Variants in COMMD1 observed in about 807,000 individuals in gnomAD.
COMMD1 encodes the protein copper metabolism domain containing 1.
In COMMD1, 10 loss-of-function variants were observed where a neutral mutation model predicts 17.2. The observed-to-expected ratio is 0.58, with a 90% CI of 0.36 to 0.99. The LOEUF (loss-of-function observed/expected upper bound fraction) is 0.99, where lower values mean the gene tolerates loss of function less well. COMMD1 is among the 50% of genes least tolerant of loss of function. The probability of loss-of-function intolerance (pLI) is 0.01; values close to 1 mark genes in which losing one functional copy is unlikely to be tolerated. For missense variants in COMMD1, 270 were observed against 231.8 expected (o/e 1.17, Z -1.07); for synonymous variants, 97 against 91.6 (o/e 1.06, Z -0.34).
At chr2:62,014,665 G>A (rs994572679) in intron 2 of COMMD1, among the ~76,000 whole-genome samples, 9 of 134,612 alleles carry the variant, frequency 6.7e-5, no homozygotes, top group Admixed American at 5.4e-4. Context: ...GGGTTCAGGC[G>A]ATTCTTCTGT....
intron 1 of COMMD1, among the ~76,000 whole-genome samples, chr2:61,951,704 A>G (rs1421930923): frequency 2.0e-5 from 3 of 152,208 alleles, no homozygotes; most frequent in African/African-American, 2.4e-5. Flanking sequence ...TGTATCCACG[A>G]AACTATCAAC....
At chr2:61,915,708 G>A in intron 1 of COMMD1, 1 of 452,848 alleles carries the variant, frequency 2.2e-6, no homozygotes, top group Middle Eastern at 3.3e-4. Context: ...TATCGTCCAG[G>A]GTGGTCTCAA....
intron 1 of COMMD1, among the ~76,000 whole-genome samples, chr2:61,968,178 C>G (rs1671554100): frequency 6.6e-6 from 1 of 151,518 alleles, no homozygotes. Flanking sequence ...AAAAAGAAAA[C>G]AAAAGCCGCT....
intron 1 of COMMD1, among the ~76,000 whole-genome samples, chr2:61,998,893 T>TC (rs1243154104): frequency 6.6e-6 from 1 of 152,212 alleles, no homozygotes; most frequent in African/African-American, 2.4e-5. Context: ...AAGACATTTA[T>TC]CAATTAGTTA....
At chr2:62,031,817 G>A (rs528787001) in intron 2 of COMMD1, among the ~76,000 whole-genome samples, 1 of 152,314 alleles carries the variant, frequency 6.6e-6, no homozygotes, top group African/African-American at 2.4e-5. Flanking sequence ...AAAGGCTTGT[G>A]TGGTGGGATT....
intron 2 of COMMD1, among the ~76,000 whole-genome samples, chr2:62,014,793 C>A (rs963239922): frequency 6.6e-6 from 1 of 151,812 alleles, no homozygotes; most frequent in Non-Finnish European, 1.5e-5. Flanking sequence ...TCTTGAACTC[C>A]TGACCTCATG....
At chr2:61,918,737 A>T (rs1263773887) in intron 1 of COMMD1, 1 of 152,192 alleles carries the variant, frequency 6.6e-6, no homozygotes, top group South Asian at 2.1e-4. Context: ...CCTATCTTAT[A>T]TATGATAAAT....
At chr2:61,903,354 G>T (rs747322001), upstream of COMMD1, among the ~76,000 whole-genome samples, 11 of 151,432 alleles carry the variant, frequency 7.3e-5, no homozygotes, top group Non-Finnish European at 1.0e-4. Flanking sequence ...TGAGGCAGGA[G>T]AATCACTTGA....
chr2:62,035,941 C>T (rs938226885), intron 2 of COMMD1, among the ~76,000 whole-genome samples: 2 of 151,776 alleles, frequency 1.3e-5, no homozygotes, highest in African/African-American at 4.8e-5. Context: ...GTAGTCCCAG[C>T]TACCCAGGAG....
chr2:62,060,795 A>G (rs1214057305), intron 2 of COMMD1, among the ~76,000 whole-genome samples: 1 of 152,170 alleles, frequency 6.6e-6, no homozygotes, highest in Non-Finnish European at 1.5e-5. Flanking sequence ...CTTCAGCAAA[A>G]GACAGTTTTT....
chr2:61,986,215 T>C (rs571815547), intron 1 of COMMD1, among the ~76,000 whole-genome samples: 1 of 152,250 alleles, frequency 6.6e-6, no homozygotes, highest in East Asian at 1.9e-4. Context: ...GGCATGAGAT[T>C]ATAAGGGTTC....
intron 1 of COMMD1, among the ~76,000 whole-genome samples, chr2:61,890,223 GTTT>G (rs1409958534): frequency 6.6e-6 from 1 of 152,012 alleles, no homozygotes; most frequent in Non-Finnish European, 1.5e-5. Flanking sequence ...TTGTTTGTTT[GTTT>G]TTGTTTGTTT....
Position 62,000,823 on chromosome 2 carries a change from C to G in COMMD1, c.303C>G (p.His101Gln), listed in dbSNP as rs761791772. The G allele has an allele frequency of 2.5e-6, 4 of 1,613,952 alleles. No homozygotes were observed. The East Asian group carries it at 6.7e-5, about 27-fold the overall frequency. The part of the protein sequence containing the change: ...AAVISKFWKS[H>Q]KTKIRESLMN... The stretch of plus-strand genomic sequence containing the variant: ...TCATTTCCAAATTCTGGAAGAGCCA[C>G]AAGACAAAAATCCGTGAGAGCCTCA... Residue 101 changes from histidine to glutamine, a missense_variant, in exon 2 of 3, where the codon CAC becomes CAG. Physicochemically the swap from His to Gln is conservative, Grantham distance 24. Transcript: ENST00000311832.
chr2:62,022,068 C>G, intron 2 of COMMD1, among the ~76,000 whole-genome samples: 1 of 152,202 alleles, frequency 6.6e-6, no homozygotes, highest in South Asian at 2.1e-4. Context: ...AGATTTACCC[C>G]TATGTAGATC....
intron 2 of COMMD1, among the ~76,000 whole-genome samples, chr2:62,064,473 C>T (rs1280859758): frequency 1.3e-5 from 2 of 152,132 alleles, no homozygotes; most frequent in African/African-American, 4.8e-5. Flanking sequence ...CATGCCGGGT[C>T]CATAGTAGCT....
At chr2:62,044,825 A>G (rs1226300089) in intron 2 of COMMD1, among the ~76,000 whole-genome samples, 3 of 149,312 alleles carry the variant, frequency 2.0e-5, no homozygotes, top group Non-Finnish European at 4.4e-5. Context: ...TTCAAGGAGC[A>G]AGCTCCTAAC....
chr2:62,030,751 A>G (rs1669890112), intron 2 of COMMD1, among the ~76,000 whole-genome samples: 1 of 152,178 alleles, frequency 6.6e-6, no homozygotes, highest in Non-Finnish European at 1.5e-5. Context: ...CCTCAGTTTT[A>G]ACATTTATTT....
At chr2:61,973,463 G>T (rs1014065259) in intron 1 of COMMD1, among the ~76,000 whole-genome samples, 1 of 152,096 alleles carries the variant, frequency 6.6e-6, no homozygotes, top group African/African-American at 2.4e-5. Context: ...GAAGGGAAAT[G>T]GTATTAATTG....
chr2:62,057,344 A>C (rs1411334432), intron 2 of COMMD1, among the ~76,000 whole-genome samples: 1 of 152,174 alleles, frequency 6.6e-6, no homozygotes, highest in Non-Finnish European at 1.5e-5. Flanking sequence ...ATGTGCATAT[A>C]TCTGTGTGTG....
Sources: allele counts gnomAD v4.1 joint callset (sites outside exome capture counted in the v4.1 genomes callset), GRCh38; gene constraint gnomAD v4.1.1; transcripts MANE v1.5; gene names NCBI Gene and HGNC (gene_info 2026-07-23, HGNC 2026-07-21).